Variants in PTPRN2 observed in about 807,000 individuals in gnomAD.
PTPRN2 encodes receptor-type tyrosine-protein phosphatase N2.
A neutral mutation model predicts 118.8 loss-of-function variants in PTPRN2; 74 were observed. That is an observed-to-expected ratio of 0.62 (90% CI 0.52 to 0.76). The LOEUF is 0.76. Among genes scored for constraint, PTPRN2 ranks in the 30% least tolerant of loss-of-function variants. The pLI, the probability that PTPRN2 is intolerant of heterozygous loss-of-function variation, is 0.00. For synonymous variants in PTPRN2, 641 were observed against 608.0 expected (o/e 1.05, Z -0.80); for missense variants, 1,481 against 1,394.4 (o/e 1.06, Z -0.99).
Position 157,903,844 on chromosome 7 carries a change from C to T in PTPRN2, c.1724-5107G>A, listed in dbSNP as rs1797607350. Among the ~76,000 whole-genome samples, 1 of 152,336 alleles carries T rather than the reference C, an allele frequency of 6.6e-6. No individual in the cohort carries two copies. Among genetic ancestry groups the T allele is most frequent in the East Asian group, 1.9e-4 (1 of 5,184 alleles). On this transcript the variant is annotated intron_variant, in intron 11 of 22. Coordinates refer to ENST00000389418, the MANE Select transcript of PTPRN2 (RefSeq NM_002847.5). This position sits in a 1 kb window ranked among gnomAD's most constrained non-coding sequence, Gnocchi z 4.2. ...CGCTTCCCACACTTCAATCCGTCTC[C>T]CCATCCAGGCTGTGGATTTCCATGC...
rs1440876776 is a variant in PTPRN2, at chr7:158,155,761, C to T, written c.910+11170G>A. Among the ~76,000 whole-genome samples, 285 of 121,640 alleles carry T rather than the reference C, an allele frequency of 2.3e-3. 1 individual carries two copies. The highest frequency in any genetic ancestry group is 4.8e-3 in the Middle Eastern group (1 of 210). The allele number at this position is 121,640 out of a possible 152,430, so 79.8% of individuals were successfully genotyped here. On this transcript the variant is annotated intron_variant, in intron 6 of 22. Coordinates refer to ENST00000389418, the MANE Select transcript of PTPRN2 (RefSeq NM_002847.5). ...TCACCATCATCACCATCACCATCAT[C>T]ATCACCATCAACACTATCATTACCA... is the stretch of plus-strand genomic sequence containing the variant.
intron 8 of PTPRN2, 126 bp from the exon 9 acceptor site, chr7:158,134,185 G>T: frequency 9.1e-7 from 1 of 1,103,652 alleles, no homozygotes; most frequent in Non-Finnish European, 1.3e-6. Context: ...GGAGAGTGTG[G>T]GAGGAAGGCG....
At chr7:158,260,496 G>A (rs1300354760) in intron 3 of PTPRN2, among the ~76,000 whole-genome samples, 9 of 152,110 alleles carry the variant, frequency 5.9e-5, no homozygotes, top group Admixed American at 1.3e-4. Flanking sequence ...TTCTTCAGAA[G>A]GCCTAGAAAA....
rs11316558 is a variant in PTPRN2 at position 157,842,410 on chromosome 7, C to CTT, written c.1788+56261_1788+56262dup. 5.3e-3 allele frequency among the ~76,000 whole-genome samples: 493 copies of CTT among 93,246 alleles called. 3 individuals carry two copies. Among genetic ancestry groups the CTT allele is most frequent in the Non-Finnish European group, 7.5e-3 (355 of 47,390 alleles). The allele number at this position is 93,246 out of a possible 152,430, so 61.2% of individuals were successfully genotyped here. The stretch of plus-strand genomic sequence containing the variant: ...CCGCTTTGTGTGCAGATTCAGGAGA[C>CTT]TTTTTTTTTTTTTTTTTTTTTTGAG... On this transcript the variant is annotated intron_variant, in intron 12 of 22. Transcript: ENST00000389418.
chr7:157,611,266 GT>G lies in PTPRN2; in HGVS notation c.2345-7192del, dbSNP rs1802316149. Among the ~76,000 whole-genome samples the G allele has an allele frequency of 6.6e-6, 1 of 152,156 alleles. No individual in the cohort carries two copies. Among genetic ancestry groups the G allele is most frequent in the African/African-American group, 2.4e-5 (1 of 41,468 alleles). The stretch of plus-strand genomic sequence containing the variant: ...CGCCCCCCAATGGGATCGGAAGCAT[GT>G]TGGGCAGGTGACCTGGGGCAGGTGG... On this transcript the variant is annotated intron_variant, in intron 15 of 22. Coordinates refer to ENST00000389418, the MANE Select transcript of PTPRN2 (RefSeq NM_002847.5). This position sits in a 1 kb window ranked among gnomAD's most constrained non-coding sequence, Gnocchi z 5.9.
intron 1 of PTPRN2, among the ~76,000 whole-genome samples, chr7:158,534,366 T>C (rs1189075882): frequency 5.6e-4 from 64 of 113,626 alleles, no homozygotes; most frequent in Middle Eastern, 6.4e-3. Flanking sequence ...ACCCACGCCC[T>C]GGGCTCCGTC....
chr7:157,615,493 T>C lies in PTPRN2; in HGVS notation c.2344+5869A>G, dbSNP rs1802703909. ...AACATCTGATGAGCCTTTGCCAATA[T>C]GCTCGGGACCTGGGGACGGCTGGGG... On this transcript the variant is annotated intron_variant, in intron 15 of 22. Transcript: ENST00000389418. The surrounding 1 kb of genome is among the most constrained non-coding windows in gnomAD (Gnocchi z 4.3). 1 of 471,084 alleles carries C rather than the reference T, an allele frequency of 2.1e-6. No individual in the cohort carries two copies. The highest frequency in any genetic ancestry group is 2.0e-5 in the African/African-American group (1 of 50,084). The allele number at this position is 471,084 out of a possible 1,614,324, so 29.2% of individuals were successfully genotyped here. A position where few individuals can be genotyped will look rare whatever the true frequency, so the allele number is the denominator to read the frequency against.
chr7:158,452,589 C>T (rs1818159042), intron 2 of PTPRN2, among the ~76,000 whole-genome samples: 1 of 152,220 alleles, frequency 6.6e-6, no homozygotes, highest in South Asian at 2.1e-4. Context: ...CAGACTGTGG[C>T]ATCTCAAGGT....
chr7:157,690,432 G>A lies in PTPRN2; in HGVS notation c.1789-7495C>T, dbSNP rs1157320610. 6.6e-6 allele frequency among the ~76,000 whole-genome samples: 1 copy of A among 152,134 alleles called. No individual in the cohort carries two copies. Among genetic ancestry groups the A allele is most frequent in the Admixed American group, 6.5e-5 (1 of 15,290 alleles). On this transcript the variant is annotated intron_variant, in intron 12 of 22. Transcript: ENST00000389418. This position sits in a 1 kb window ranked among gnomAD's most constrained non-coding sequence, Gnocchi z 7.1. ...TCCTCGCCCCACCACCTACGCGCCT[G>A]GTGATGCTCTCGTGGGCCCTTCCTG...
chr7:158,041,553 G>A (rs531890564), intron 11 of PTPRN2, among the ~76,000 whole-genome samples: 3 of 152,152 alleles, frequency 2.0e-5, no homozygotes, highest in Middle Eastern at 3.4e-3. Context: ...CAGGAGAATC[G>A]CTTGAACCTG....
chr7:157,595,306 C>A lies in PTPRN2; in HGVS notation c.2428G>T (p.Asp810Tyr). 1 of 1,614,114 alleles carries A rather than the reference C, an allele frequency of 6.2e-7. No individual in the cohort carries two copies. Among genetic ancestry groups the A allele is most frequent in the South Asian group, 1.1e-5 (1 of 91,062 alleles). ...YINASPIMDH[D>Y]PRNPAYIATQ... ...GCGATGTACGCGGGGTTCCTCGGGTCGTGATCCATCTGCAGAGACAAGACC... is the reference window on the plus strand; with the variant it reads ...GCGATGTACGCGGGGTTCCTCGGGTAGTGATCCATCTGCAGAGACAAGACC... The change falls in exon 17 of 23, where the codon GAC (aspartate) becomes TAC (tyrosine). Residue 810 changes from aspartate (D) to tyrosine (Y), a missense_variant. Around this residue, in one of 3 missense-constraint regions of PTPRN2, gnomAD observed 362 missense variants for 384.1 expected, o/e 0.94. Coordinates refer to ENST00000389418, the MANE Select transcript of PTPRN2 (RefSeq NM_002847.5).
intron 11 of PTPRN2, among the ~76,000 whole-genome samples, chr7:157,950,603 C>T (rs1205306954): frequency 6.6e-6 from 1 of 152,210 alleles, no homozygotes; most frequent in Admixed American, 6.5e-5. Flanking sequence ...TCTGACGTCT[C>T]TAGATTCCTT....
At chr7:157,719,036 C>T (rs1799091097) in intron 12 of PTPRN2, among the ~76,000 whole-genome samples, 1 of 152,170 alleles carries the variant, frequency 6.6e-6, no homozygotes, top group Non-Finnish European at 1.5e-5. Context: ...CTGGGGGCTC[C>T]AGGAGGGGGT....
chr7:157,851,173 C>T (rs73746660), intron 12 of PTPRN2, among the ~76,000 whole-genome samples: 4,963 of 152,274 alleles, frequency 0.033, 282 homozygotes, highest in African/African-American at 0.11. Flanking sequence ...GGTTCTCTAA[C>T]GAGGGTGCAT....
intron 11 of PTPRN2, among the ~76,000 whole-genome samples, chr7:158,026,094 G>A (rs1379187060): frequency 6.6e-6 from 1 of 152,268 alleles, no homozygotes; most frequent in Non-Finnish European, 1.5e-5. Context: ...AGGCAGCACA[G>A]ATATCGATTT....
At chr7:158,179,934 A>G (rs1342791900) in intron 5 of PTPRN2, among the ~76,000 whole-genome samples, 1 of 152,276 alleles carries the variant, frequency 6.6e-6, no homozygotes, top group Non-Finnish European at 1.5e-5. Flanking sequence ...TGTAATTAAA[A>G]GTAGCTATAA....
intron 12 of PTPRN2, among the ~76,000 whole-genome samples, chr7:157,898,203 G>A (rs1038989281): frequency 6.6e-6 from 1 of 152,254 alleles, no homozygotes; most frequent in Non-Finnish European, 1.5e-5. Context: ...GGGCTTGATA[G>A]ATTTTCAGTG....
chr7:158,424,610 T>G (rs1197016281), intron 2 of PTPRN2, among the ~76,000 whole-genome samples: 1 of 152,206 alleles, frequency 6.6e-6, no homozygotes, highest in Non-Finnish European at 1.5e-5. Flanking sequence ...TGCCCAGTGG[T>G]CAGAAAATGC....
chr7:158,330,554 C>A, intron 2 of PTPRN2, among the ~76,000 whole-genome samples: 1 of 59,422 alleles, frequency 1.7e-5, no homozygotes, highest in Admixed American at 1.8e-4. Context: ...GCAGACGTCA[C>A]TCACACCCAC....
Sources: allele counts gnomAD v4.1 joint callset (sites outside exome capture counted in the v4.1 genomes callset), GRCh38; gene constraint gnomAD v4.1.1; regional missense constraint gnomAD v4.1.1; non-coding constraint Gnocchi (gnomAD v3.1); transcripts MANE v1.5; gene names NCBI Gene and HGNC (gene_info 2026-07-23, HGNC 2026-07-21).